The following CBFA2T3 variants were observed in gnomAD, a reference collection of about 807,000 sequenced individuals.
The protein encoded by CBFA2T3 is transcriptional corepressor CBFA2T3.
In CBFA2T3, 31 loss-of-function variants were observed where a neutral mutation model predicts 58.6. That is an observed-to-expected ratio of 0.53 (90% CI 0.40 to 0.71). The LOEUF is 0.71. Ranked by LOEUF, CBFA2T3 falls within the 30% of genes least tolerant of loss-of-function variation. The probability of loss-of-function intolerance (pLI) is 0.00; values close to 1 mark genes in which losing one functional copy is unlikely to be tolerated. For synonymous variants in CBFA2T3, 531 were observed against 421.9 expected (o/e 1.26, Z -3.17); for missense variants, 1,076 against 963.1 (o/e 1.12, Z -1.55).
At chr16:88,929,733 G>A (rs565580207) in intron 1 of CBFA2T3, among the ~76,000 whole-genome samples, 19 of 139,398 alleles carry the variant, frequency 1.4e-4, no homozygotes, top group South Asian at 6.8e-4. Context: ...CAGCTGCGTG[G>A]TCCACGCAAA....
intron 1 of CBFA2T3, among the ~76,000 whole-genome samples, chr16:88,975,036 C>T (rs1215901525): frequency 7.1e-6 from 1 of 140,912 alleles, no homozygotes; most frequent in African/African-American, 2.7e-5. Flanking sequence ...TGAGACCCTG[C>T]TCCCTCCTCA....
At chr16:88,936,307 TC>T (rs1971498477) in intron 1 of CBFA2T3, among the ~76,000 whole-genome samples, 1 of 152,148 alleles carries the variant, frequency 6.6e-6, no homozygotes, top group African/African-American at 2.4e-5. Context: ...GTGTGGACTT[TC>T]CTCTGCTGAG....
chr16:88,926,296 C>G (rs1971083347), intron 1 of CBFA2T3, among the ~76,000 whole-genome samples: 1 of 152,230 alleles, frequency 6.6e-6, no homozygotes, highest in Admixed American at 6.5e-5. Context: ...AAAGGTGTGA[C>G]AAATTCCTCC....
At chr16:88,879,047 T>C (rs1968956074) in intron 11 of CBFA2T3, among the ~76,000 whole-genome samples, 1 of 152,188 alleles carries the variant, frequency 6.6e-6, no homozygotes, top group Non-Finnish European at 1.5e-5. Flanking sequence ...GCCCTCAGTT[T>C]CTGGAACTAC....
intron 1 of CBFA2T3, among the ~76,000 whole-genome samples, chr16:88,907,770 G>A (rs1970387981): frequency 6.6e-6 from 1 of 152,198 alleles, no homozygotes; most frequent in African/African-American, 2.4e-5. Flanking sequence ...ACTGACGGTG[G>A]CATCTTCTAA....
rs530798985 is a variant in CBFA2T3 at position 88,889,728 on chromosome 16, G to A, written c.711+2154C>T. On this transcript the variant is annotated intron_variant, in intron 5 of 11. Transcript: ENST00000268679. ...ACACCCCGCGATTCCTCCTCCTCCA[G>A]GGACACTTCAAATCCCTGGACGACG... Among the ~76,000 whole-genome samples, 601 of 149,250 alleles carry A rather than the reference G, an allele frequency of 4.0e-3. 1 individual carries two copies. The highest frequency in any genetic ancestry group is 0.014 in the African/African-American group (574 of 40,490).
At chr16:88,887,051 G>A (rs1969408587) in intron 5 of CBFA2T3, 1 of 143,518 alleles carries the variant, frequency 7.0e-6, no homozygotes, top group African/African-American at 2.5e-5. Context: ...TGGACCCTGA[G>A]CATGCTGGAC....
intron 1 of CBFA2T3, among the ~76,000 whole-genome samples, chr16:88,947,593 T>C (rs1161370541): frequency 6.6e-6 from 1 of 152,258 alleles, no homozygotes; most frequent in Admixed American, 6.5e-5. Context: ...ACAATGTGAA[T>C]GTATTACACA....
At chr16:88,883,273 T>C (rs922569599) in intron 7 of CBFA2T3, 12 of 166,692 alleles carry the variant, frequency 7.2e-5, no homozygotes, top group African/African-American at 2.9e-4. Context: ...GTCTCAGTCA[T>C]TCGCGGCAGC....
At chr16:88,971,877 T>C (rs1188291156) in intron 1 of CBFA2T3, among the ~76,000 whole-genome samples, 1 of 152,074 alleles carries the variant, frequency 6.6e-6, no homozygotes, top group East Asian at 1.9e-4. Flanking sequence ...GTCACGGAAG[T>C]GAAAGTGCCG....
chr16:88,882,883 C>G (rs1199192516), intron 7 of CBFA2T3, 122 bp from the exon 8 acceptor site: 3 of 711,914 alleles, frequency 4.2e-6, no homozygotes, highest in Non-Finnish European at 7.4e-6. Context: ...GGACGATGGA[C>G]AGGGTAACCG....
chr16:88,894,488 T>TACACACATGCAC (rs1162478962), intron 3 of CBFA2T3, among the ~76,000 whole-genome samples: 2 of 119,094 alleles, frequency 1.7e-5, no homozygotes, highest in Admixed American at 1.6e-4. Flanking sequence ...GCACACAATG[T>TACACACATGCAC]ACACACATGC....
chr16:88,967,798 T>C (rs1245052789), intron 1 of CBFA2T3, among the ~76,000 whole-genome samples: 1 of 152,116 alleles, frequency 6.6e-6, no homozygotes, highest in Non-Finnish European at 1.5e-5. Flanking sequence ...ACACTGCCCC[T>C]TCCTGTCCAG....
At chr16:88,906,574 TCAGCAGCG>T (rs1970344210) in intron 1 of CBFA2T3, among the ~76,000 whole-genome samples, 1 of 152,088 alleles carries the variant, frequency 6.6e-6, no homozygotes, top group African/African-American at 2.4e-5. Context: ...CCCCGGGGGC[TCAGCAGCG>T]CCAGAAAGGG....
chr16:88,876,511 A>T lies in CBFA2T3; in HGVS notation c.*465T>A. ...AGTAGCTCTTTTGCCAACACACAAA[A>T]CCCCCCAAAATTCTTTGCTGAAAAT... On this transcript the variant is annotated 3_prime_UTR_variant, in exon 12 of 12. Coordinates refer to ENST00000268679, the MANE Select transcript of CBFA2T3 (RefSeq NM_005187.6). 4.3e-6 allele frequency: 1 copy of T among 234,460 alleles called. No individual in the cohort carries two copies. The highest frequency in any genetic ancestry group is 8.4e-6 in the Non-Finnish European group (1 of 119,268). 14.5% of individuals were successfully genotyped at this position (234,460 alleles called of 1,614,324 possible).
rs929325692 is a variant in CBFA2T3, at chr16:88,876,709, A to C, written c.*267T>G. 2.7e-4 allele frequency: 117 copies of C among 426,556 alleles called. No individual in the cohort carries two copies. The highest frequency in any genetic ancestry group is 2.3e-3 in the African/African-American group (112 of 48,632). The allele number at this position is 426,556 out of a possible 1,614,324, so 26.4% of individuals were successfully genotyped here. On this transcript the variant is annotated 3_prime_UTR_variant, in exon 12 of 12. Transcript: ENST00000268679. ...GTCTAAAGCTCAGTCGAGGCTTCTGAGGATGCTTGAAGAGACGTTGTCAGG... is the reference window on the plus strand; with the variant it reads ...GTCTAAAGCTCAGTCGAGGCTTCTGCGGATGCTTGAAGAGACGTTGTCAGG...
chr16:88,877,707 T>C (rs1473777266), intron 11 of CBFA2T3, among the ~76,000 whole-genome samples: 1 of 144,668 alleles, frequency 6.9e-6, no homozygotes, highest in Non-Finnish European at 1.5e-5. Context: ...CTGCACCCCC[T>C]CCACCTCTGC....
intron 2 of CBFA2T3, 78 bp downstream of exon 2, chr16:88,901,426 G>C: frequency 1.4e-6 from 1 of 716,872 alleles, no homozygotes; most frequent in Middle Eastern, 4.1e-4. Flanking sequence ...GCTCCGGGCA[G>C]GAAGCTCAGA....
intron 1 of CBFA2T3, among the ~76,000 whole-genome samples, chr16:88,929,235 T>C (rs1453578549): frequency 2.0e-5 from 3 of 151,998 alleles, no homozygotes; most frequent in Non-Finnish European, 4.4e-5. Context: ...GCTGCCGCTG[T>C]GCAAACAACC....
Sources: allele counts gnomAD v4.1 joint callset (sites outside exome capture counted in the v4.1 genomes callset), GRCh38; gene constraint gnomAD v4.1.1; transcripts MANE v1.5; gene names NCBI Gene and HGNC (gene_info 2026-07-23, HGNC 2026-07-21).